Variants in RIT2 observed in about 807,000 individuals in gnomAD.
The protein encoded by RIT2 is Ras like without CAAX 2.
In RIT2, 24 loss-of-function variants were observed where a neutral mutation model predicts 23.7. That is an observed-to-expected ratio of 1.01 (90% CI 0.73 to 1.43). RIT2 has a LOEUF of 1.43. Among genes scored for constraint, RIT2 ranks in the 40% most tolerant of loss-of-function variants. The probability of loss-of-function intolerance (pLI) is 0.00; values close to 1 mark genes in which losing one functional copy is unlikely to be tolerated. For synonymous variants in RIT2, 107 were observed against 91.1 expected (o/e 1.17, Z -0.99); for missense variants, 236 against 266.9 (o/e 0.88, Z 0.81).
intron 3 of RIT2, among the ~76,000 whole-genome samples, chr18:42,950,107 A>C (rs1275753840): frequency 8.5e-5 from 13 of 152,270 alleles, no homozygotes; most frequent in Middle Eastern, 6.8e-3. Flanking sequence ...ATTAATTTTC[A>C]GTCAATTATT....
At chr18:43,010,037 C>G (rs1353015362) in intron 2 of RIT2, among the ~76,000 whole-genome samples, 1 of 151,770 alleles carries the variant, frequency 6.6e-6, no homozygotes, top group Non-Finnish European at 1.5e-5. Context: ...AGAATCACAT[C>G]CACTGCAATT....
chr18:43,036,745 C>T (rs1215346000), intron 1 of RIT2, among the ~76,000 whole-genome samples: 2 of 152,086 alleles, frequency 1.3e-5, no homozygotes, highest in Non-Finnish European at 1.5e-5. Flanking sequence ...TTTCAGAATT[C>T]AAAAGATAAT....
At chr18:42,770,468 G>A (rs549122687) in intron 4 of RIT2, among the ~76,000 whole-genome samples, 23 of 152,296 alleles carry the variant, frequency 1.5e-4, no homozygotes, top group African/African-American at 4.1e-4. Flanking sequence ...TCCTTGGCAT[G>A]AGCCTCATTC....
At chr18:43,100,993 G>A (rs547949228) in intron 1 of RIT2, among the ~76,000 whole-genome samples, 1 of 151,294 alleles carries the variant, frequency 6.6e-6, no homozygotes, top group African/African-American at 2.4e-5. Flanking sequence ...GTGTGTGTTT[G>A]TATTCACACA....
chr18:43,103,077 A>T lies in RIT2; in HGVS notation c.103+12340T>A, dbSNP rs1026956811. Among the ~76,000 whole-genome samples, 3 of 152,138 alleles carry T rather than the reference A, an allele frequency of 2.0e-5. No homozygotes were observed. In the East Asian group the frequency reaches 5.8e-4, roughly 29 times the overall value. ...ACTGTGTGGGCTTATTGGCCTTCAAATCCATGGTCACCAAAGATTGTTAAT... is the reference window on the plus strand; with the variant it reads ...ACTGTGTGGGCTTATTGGCCTTCAATTCCATGGTCACCAAAGATTGTTAAT... On this transcript the variant is annotated intron_variant, in intron 1 of 4. Transcript: ENST00000326695.
intron 2 of RIT2, among the ~76,000 whole-genome samples, chr18:42,986,593 C>A (rs183031984): frequency 1.7e-3 from 263 of 152,188 alleles, no homozygotes; most frequent in African/African-American, 5.8e-3. Context: ...CCTCCGCCTC[C>A]TGGGTTCAAG....
At chr18:42,795,926 C>G (rs1905336551) in intron 4 of RIT2, among the ~76,000 whole-genome samples, 1 of 152,036 alleles carries the variant, frequency 6.6e-6, no homozygotes, top group African/African-American at 2.4e-5. Flanking sequence ...GACGTGAAAA[C>G]CTTTGTGTCT....
chr18:43,076,648 A>T (rs1913025442), intron 1 of RIT2, among the ~76,000 whole-genome samples: 1 of 152,188 alleles, frequency 6.6e-6, no homozygotes, highest in Non-Finnish European at 1.5e-5. Flanking sequence ...AGAAGGTAAC[A>T]TTTGATTGAG....
chr18:42,933,715 G>A (rs563250020), intron 3 of RIT2, among the ~76,000 whole-genome samples: 16 of 152,194 alleles, frequency 1.1e-4, no homozygotes, highest in Middle Eastern at 3.4e-3. Context: ...ATGCTGAACT[G>A]TAAGTCAATT....
chr18:43,017,821 T>C (rs760702447), intron 2 of RIT2, among the ~76,000 whole-genome samples: 22 of 152,196 alleles, frequency 1.4e-4, no homozygotes, highest in Non-Finnish European at 3.1e-4. Context: ...GACAGTCACA[T>C]GCTACTTAAA....
chr18:42,953,011 G>C (rs895011472), intron 3 of RIT2, among the ~76,000 whole-genome samples: 1 of 149,852 alleles, frequency 6.7e-6, no homozygotes, highest in Admixed American at 6.7e-5. Flanking sequence ...AATAAATCAC[G>C]TTGTTTTTCA....
At chr18:42,926,549 T>A (rs1909185400) in intron 3 of RIT2, among the ~76,000 whole-genome samples, 1 of 151,920 alleles carries the variant, frequency 6.6e-6, no homozygotes, top group Non-Finnish European at 1.5e-5. Flanking sequence ...CCATAATGAA[T>A]GACTAACAAA....
intron 4 of RIT2, among the ~76,000 whole-genome samples, chr18:42,783,753 T>C (rs1404557856): frequency 1.3e-5 from 2 of 152,068 alleles, no homozygotes; most frequent in South Asian, 2.1e-4. Context: ...GTAAGTACCA[T>C]AGAACATGAC....
chr18:43,025,535 G>A (rs1381205503), intron 2 of RIT2, among the ~76,000 whole-genome samples: 1 of 151,868 alleles, frequency 6.6e-6, no homozygotes, highest in Non-Finnish European at 1.5e-5. Context: ...CAAACTAAGT[G>A]TCCATAAAAG....
At chr18:43,043,845 A>G (rs1912185705) in intron 1 of RIT2, among the ~76,000 whole-genome samples, 1 of 152,132 alleles carries the variant, frequency 6.6e-6, no homozygotes, top group Non-Finnish European at 1.5e-5. Context: ...ATAAATAAAT[A>G]AAAGAAAGCA....
At chr18:43,084,749 G>A (rs761413894) in intron 1 of RIT2, among the ~76,000 whole-genome samples, 2 of 152,112 alleles carry the variant, frequency 1.3e-5, no homozygotes, top group Non-Finnish European at 2.9e-5. Flanking sequence ...GGGACTAGGG[G>A]AGGGATAGCA....
chr18:43,073,820 G>A (rs1420881139), intron 1 of RIT2, among the ~76,000 whole-genome samples: 1 of 152,142 alleles, frequency 6.6e-6, no homozygotes, highest in Non-Finnish European at 1.5e-5. Flanking sequence ...AAGAAGTTTT[G>A]TTGTGCATAA....
At chr18:42,850,000 A>G (rs1478502349) in intron 4 of RIT2, among the ~76,000 whole-genome samples, 1 of 152,044 alleles carries the variant, frequency 6.6e-6, no homozygotes, top group African/African-American at 2.4e-5. Flanking sequence ...TTCTGACACT[A>G]AGGTCCAAAG....
At chr18:42,965,711 CTTTTTT>C (rs58344278) in intron 3 of RIT2, among the ~76,000 whole-genome samples, 24 of 37,748 alleles carry the variant, frequency 6.4e-4, no homozygotes, top group African/African-American at 2.2e-3. Context: ...GTACTGATGG[CTTTTTT>C]TTTTTTTTTT....
Sources: gnomAD v4.1 joint callset for allele counts (sites outside exome capture counted in the v4.1 genomes callset) on GRCh38, gnomAD v4.1.1 for gene constraint, MANE v1.5 for transcripts, NCBI Gene and HGNC (gene_info 2026-07-23, HGNC 2026-07-21) for gene names.